GREP1: variants seen among roughly 807,000 people sequenced by gnomAD.
The protein encoded by GREP1 is glycine rich extracellular protein 1, also known as glycine-rich extracellular protein 1.
At position 2,992,743 on chromosome 16, in the gene GREP1, T is replaced by C; in HGVS notation, c.323-62T>C. The stretch of plus-strand genomic sequence containing the variant: ...GAGACAGAAAGGGAGAGGGCAGGGC[T>C]CCAGGCCCCAGCTCATCCCCACTGC... On this transcript the variant is annotated intron_variant, in intron 8 of 34. Transcript: ENST00000573315. The surrounding 1 kb of genome is among the most constrained non-coding windows in gnomAD (Gnocchi z 4.9). The C allele has an allele frequency of 2.5e-6, 1 of 398,962 alleles. No homozygotes were observed. The highest frequency in any genetic ancestry group is 4.4e-6 in the Non-Finnish European group (1 of 226,138). 24.7% of individuals were successfully genotyped at this position (398,962 alleles called of 1,614,324 possible).
chr16:2,995,541 G>C, intron 15 of GREP1, 78 bp from the exon 16 acceptor site: 1 of 398,646 alleles, frequency 2.5e-6, no homozygotes. Flanking sequence ...AAGGGCTGCT[G>C]GGAGGAAGCC....
intron 13 of GREP1, 53 bp from the exon 15 acceptor site, chr16:2,995,230 TG>T (rs1203033089): frequency 4.5e-5 from 18 of 397,870 alleles, no homozygotes; most frequent in Non-Finnish European, 7.5e-5. Context: ...GGTTCTGGGG[TG>T]GATCTGAGTT....
At chr16:3,001,507 G>C (rs2072462088) in intron 34 of GREP1, 54 bp from the exon 29 acceptor site, 1 of 398,998 alleles carries the variant, frequency 2.5e-6, no homozygotes, top group South Asian at 1.3e-4. Context: ...GGAGGAGGGG[G>C]CAAGGCCTCA....
At chr16:2,999,794 A>T in intron 27 of GREP1, 108 bp from the exon 25 acceptor site, 1 of 398,518 alleles carries the variant, frequency 2.5e-6, no homozygotes, top group Non-Finnish European at 4.4e-6. Flanking sequence ...TTCCCTGTGG[A>T]CAGGAAAAGT....
At position 2,990,053 on chromosome 16, in the gene GREP1, C is replaced by T. The variant is rs187859676; in HGVS notation, c.164-34C>T. ...GCTCTTTGTCTCCCCCTCTTTCTCT[C>T]ACACTCCTCACCTCACCTCATCTGT... On this transcript the variant is annotated intron_variant, in intron 4 of 34. Transcript: ENST00000573315. 3,439 of 399,656 alleles carry T rather than the reference C, an allele frequency of 8.6e-3. 15 individuals carry two copies. Among genetic ancestry groups the T allele is most frequent in the Non-Finnish European group, 0.012 (2,684 of 226,562 alleles). 24.8% of individuals were successfully genotyped at this position (399,656 alleles called of 1,614,324 possible). A position where few individuals can be genotyped will look rare whatever the true frequency, so the allele number is the denominator to read the frequency against.
intron 25 of GREP1, 117 bp downstream of exon 23, chr16:2,998,640 C>A (rs1386015560): frequency 5.0e-6 from 2 of 397,986 alleles, no homozygotes; most frequent in African/African-American, 4.1e-5. Flanking sequence ...ATCCCTCTAT[C>A]CCCTGCCTGG....
intron 22 of GREP1, chr16:2,997,471 G>T (rs2072431672): frequency 7.5e-6 from 3 of 399,048 alleles, no homozygotes; most frequent in Non-Finnish European, 1.3e-5. Flanking sequence ...AGAGGTGGGG[G>T]CCTGGCTCTC....
In GREP1 at chr16:2,991,315, C is replaced by T. The variant is rs1567396786; in HGVS notation, c.322+214C>T. On this transcript the variant is annotated intron_variant, in intron 8 of 34. Transcript: ENST00000573315. The surrounding 1 kb of genome is among the most constrained non-coding windows in gnomAD (Gnocchi z 4.9). ...CCCGCCTTGCCCACTTATATCCAGG[C>T]GCCTCTGGGTCCCTCAAGCCTGCCC... is the stretch of plus-strand genomic sequence containing the variant. The T allele has an allele frequency of 7.7e-6, 3 of 388,944 alleles. No individual in the cohort carries two copies. Among genetic ancestry groups the T allele is most frequent in the East Asian group, 3.6e-5 (1 of 27,466 alleles). 24.1% of individuals were successfully genotyped at this position (388,944 alleles called of 1,614,324 possible).
exon 33 of GREP1, chr16:3,000,718 G>C: frequency 5.0e-6 from 2 of 399,044 alleles, no homozygotes; most frequent in Non-Finnish European, 8.8e-6. Context: ...CCACAGGGCA[G>C]GCCGGGGTGC....
At chr16:2,997,884 C>T (rs2072434637) in intron 23 of GREP1, 49 bp downstream of exon 21, 1 of 398,506 alleles carries the variant, frequency 2.5e-6, no homozygotes, top group Non-Finnish European at 4.4e-6. Context: ...AACTGCCTAC[C>T]CCTCCACCCT....
At chr16:3,001,448 G>A (rs1415304443) in intron 34 of GREP1, 113 bp from the exon 29 acceptor site, 6 of 398,982 alleles carry the variant, frequency 1.5e-5, no homozygotes, top group South Asian at 1.3e-4. Flanking sequence ...TCTGCCACCT[G>A]TAGGTGGCTG....
intron 23 of GREP1, 148 bp from the exon 22 acceptor site, chr16:2,998,208 C>G (rs935990893): frequency 2.5e-6 from 1 of 397,760 alleles, no homozygotes; most frequent in Non-Finnish European, 4.4e-6. Context: ...ATGCCCTGCT[C>G]TCCCTCCCAG....
At position 2,989,026 on chromosome 16, in the gene GREP1, G is replaced by A. The variant is rs1411582784; in HGVS notation, c.100+404G>A. On this transcript the variant is annotated intron_variant, in intron 2 of 34. Transcript: ENST00000573315. This position sits in a 1 kb window ranked among gnomAD's most constrained non-coding sequence, Gnocchi z 4.2. ...TTCAGGGACCTGGGGGGTCCTAAGGGTAGAAGGAGGGGCTGCCCCTGAGCC... is the reference window on the plus strand; with the variant it reads ...TTCAGGGACCTGGGGGGTCCTAAGGATAGAAGGAGGGGCTGCCCCTGAGCC... 2 of 251,862 alleles carry A rather than the reference G, an allele frequency of 7.9e-6. No homozygotes were observed. Among genetic ancestry groups the A allele is most frequent in the Non-Finnish European group, 7.5e-6 (1 of 133,220 alleles). 15.6% of individuals were successfully genotyped at this position (251,862 alleles called of 1,614,324 possible).
In GREP1 at chr16:3,000,694, G is replaced by C; in HGVS notation, c.1418-20G>C. 1 of 398,966 alleles carries C rather than the reference G, an allele frequency of 2.5e-6. No individual in the cohort carries two copies. 24.7% of individuals were successfully genotyped at this position (398,966 alleles called of 1,614,324 possible). ...AGCTCCTGTGGGCAAGGGTACCCCT[G>C]CCAGCTCTCCTCCCCACAGGGCAGG... is the stretch of plus-strand genomic sequence containing the variant. On this transcript the variant is annotated intron_variant, in intron 32 of 34. Coordinates refer to ENST00000573315, the Ensembl canonical transcript of GREP1.
At chr16:2,995,879 A>G (rs955341048) in exon 18 of GREP1, 3 of 398,040 alleles carry the variant, frequency 7.5e-6, no homozygotes, top group Non-Finnish European at 8.8e-6. Context: ...GGCTGAGAGC[A>G]GGGGCCTTCC....
At chr16:2,995,495 C>T (rs2151100477) in intron 15 of GREP1, 124 bp from the exon 16 acceptor site, 1 of 398,880 alleles carries the variant, frequency 2.5e-6, no homozygotes, top group East Asian at 3.6e-5. Flanking sequence ...TGCCTCCCTT[C>T]CCAGTCTCAT....
chr16:2,988,658 T>G (rs1390124628), intron 2 of GREP1, 36 bp downstream of exon 2: 2 of 398,498 alleles, frequency 5.0e-6, no homozygotes, highest in East Asian at 7.1e-5. Context: ...TCAGGAAGAG[T>G]CTCCCATCTC....
chr16:2,990,292 C>G, intron 5 of GREP1, 170 bp downstream of exon 5: 1 of 398,052 alleles, frequency 2.5e-6, no homozygotes, highest in Non-Finnish European at 4.4e-6. Flanking sequence ...GCTGGGACCC[C>G]AAACCTCCTC....
At chr16:2,997,230 C>T (rs1007494031) in intron 21 of GREP1, 145 bp downstream of exon 20, 1 of 398,786 alleles carries the variant, frequency 2.5e-6, no homozygotes, top group Admixed American at 4.4e-5. Flanking sequence ...TCCCTGTCTC[C>T]CTCCCAGGCC....
Sources: gnomAD v4.1 joint callset for allele counts on GRCh38, gnomAD v4.1.1 for gene constraint, Gnocchi (gnomAD v3.1) non-coding constraint, MANE v1.5 for transcripts, NCBI Gene and HGNC (gene_info 2026-07-23, HGNC 2026-07-21) for gene names.